The following CNTN6 variants were observed in gnomAD, a reference collection of about 807,000 sequenced individuals.
The protein encoded by CNTN6 is contactin 6, also known as contactin-6.
CNTN6 carries 137 observed loss-of-function variants against 122.8 expected under a neutral mutation model. That is an observed-to-expected ratio of 1.12 (90% CI 0.97 to 1.29). CNTN6 has a LOEUF of 1.29. Among genes scored for constraint, CNTN6 ranks in the 50% most tolerant of loss-of-function variants. The probability of loss-of-function intolerance (pLI) is 0.00; values close to 1 mark genes in which losing one functional copy is unlikely to be tolerated. For missense variants in CNTN6, 1,634 were observed against 1,223.4 expected, an observed-to-expected ratio of 1.34 and a Z score of -5.01; for synonymous variants, 570 against 426.0, an observed-to-expected ratio of 1.34 and a Z score of -4.16.
chr3:1,298,162 A>G lies in CNTN6; in HGVS notation c.761+171A>G, dbSNP rs547988533. 6.1e-5 allele frequency: 34 copies of G among 560,714 alleles called. No individual in the cohort carries two copies. The South Asian group carries it at 7.9e-4, about 13-fold the overall frequency. 34.7% of individuals were successfully genotyped at this position (560,714 alleles called of 1,614,324 possible). A position where few individuals can be genotyped will look rare whatever the true frequency, so the allele number is the denominator to read the frequency against. ...TTAAACAAACATGTCTAATACTGAGACAATGACCAGGCCTGTAACTGAAAA... is the reference window on the plus strand; with the variant it reads ...TTAAACAAACATGTCTAATACTGAGGCAATGACCAGGCCTGTAACTGAAAA... On this transcript the variant is annotated intron_variant, in intron 7 of 22. Coordinates refer to ENST00000446702, the MANE Select transcript of CNTN6 (RefSeq NM_001289080.2).
intron 1 of CNTN6, among the ~76,000 whole-genome samples, chr3:1,099,247 C>T (rs892779114): frequency 4.6e-5 from 7 of 151,884 alleles, no homozygotes; most frequent in Admixed American, 2.0e-4. Context: ...GTCAGGAGAT[C>T]GAGACCATCC....
rs1701479178 is a variant in CNTN6 at position 1,325,931 on chromosome 3, G to A, written c.1063G>A (p.Gly355Ser). 1 of 1,611,018 alleles carries A rather than the reference G, an allele frequency of 6.2e-7. No individual in the cohort carries two copies. The highest frequency in any genetic ancestry group is 1.3e-5 in the African/African-American group (1 of 74,740). The change falls in exon 9 of 23, where the codon GGT becomes AGT. Residue 355 changes from glycine to serine, a missense_variant. Transcript: ENST00000446702. Reference sequence around the variant, plus strand: ...CCCTTGGTATACATGGTTAAAAAATGGTGAACGACTCAACCCAGAGGTAAG... The same window carrying A: ...CCCTTGGTATACATGGTTAAAAAATAGTGAACGACTCAACCCAGAGGTAAG... Reference protein sequence around the residue: ...PNPWYTWLKNGERLNPEERIQ... With the variant: ...PNPWYTWLKNSERLNPEERIQ...
intron 5 of CNTN6, among the ~76,000 whole-genome samples, chr3:1,284,950 C>G (rs1694086086): frequency 6.6e-6 from 1 of 152,156 alleles, no homozygotes. Flanking sequence ...GCCTTACTTT[C>G]AGACATTTTA....
intron 11 of CNTN6, among the ~76,000 whole-genome samples, chr3:1,337,016 C>T (rs1395912166): frequency 6.6e-6 from 1 of 152,174 alleles, no homozygotes; most frequent in Non-Finnish European, 1.5e-5. Flanking sequence ...ACTTATTGAG[C>T]AAGTCACTGG....
At chr3:1,114,658 G>C (rs1430169378) in intron 1 of CNTN6, among the ~76,000 whole-genome samples, 1 of 152,050 alleles carries the variant, frequency 6.6e-6, no homozygotes, top group Non-Finnish European at 1.5e-5. Context: ...AAAGGCAAAA[G>C]ATAATTATTG....
intron 4 of CNTN6, among the ~76,000 whole-genome samples, chr3:1,253,103 A>C (rs1175001975): frequency 6.6e-6 from 1 of 152,178 alleles, no homozygotes. Flanking sequence ...TTTTGCCAGC[A>C]GGCAAAGCCC....
chr3:1,201,858 C>T (rs2093876505), intron 2 of CNTN6, among the ~76,000 whole-genome samples: 1 of 151,648 alleles, frequency 6.6e-6, no homozygotes, highest in Non-Finnish European at 1.5e-5. Flanking sequence ...ATATTGTTAA[C>T]CGAATAACAG....
intron 11 of CNTN6, among the ~76,000 whole-genome samples, chr3:1,330,325 A>T (rs945650214): frequency 1.3e-5 from 2 of 151,910 alleles, no homozygotes; most frequent in Non-Finnish European, 2.9e-5. Flanking sequence ...AAATAGTCAC[A>T]CAGGTGTTCA....
intron 7 of CNTN6, among the ~76,000 whole-genome samples, chr3:1,301,412 A>C (rs758758748): frequency 4.1e-4 from 63 of 152,078 alleles, no homozygotes; most frequent in Non-Finnish European, 7.3e-4. Flanking sequence ...AGTTTAAAAA[A>C]CTCTCAAAAT....
chr3:1,107,842 C>T (rs2091296650), intron 1 of CNTN6, among the ~76,000 whole-genome samples: 1 of 151,990 alleles, frequency 6.6e-6, no homozygotes, highest in Admixed American at 6.6e-5. Context: ...ATTGAGCTTG[C>T]AAAGAGGTTA....
chr3:1,370,117 TCCAATAAGATCCAAAAAAAAGAAAGAAC>T (rs1326311058), intron 12 of CNTN6, among the ~76,000 whole-genome samples: 1 of 151,910 alleles, frequency 6.6e-6, no homozygotes, highest in African/African-American at 2.4e-5. Context: ...TTGATTAGAA[TCCAATAAGATCCAAAAAAAAGAAAGAAC>T]CCAATAAGAT....
rs1423821259 is a variant in CNTN6, at chr3:1,144,909, A to G, written c.-82-3018A>G. Among the ~76,000 whole-genome samples, 3 of 152,134 alleles carry G rather than the reference A, an allele frequency of 2.0e-5. No homozygotes were observed. The East Asian group carries it at 5.8e-4, about 29-fold the overall frequency. On this transcript the variant is annotated intron_variant, in intron 1 of 22. Transcript: ENST00000446702. ...GGGGACTGTTGGAGGTAGCTTGCGA[A>G]TGGAAAATGGCATAGAGATGGCTAG... is the stretch of plus-strand genomic sequence containing the variant.
chr3:1,242,624 G>C (rs990054114), intron 4 of CNTN6, among the ~76,000 whole-genome samples: 1 of 152,104 alleles, frequency 6.6e-6, no homozygotes, highest in African/African-American at 2.4e-5. Context: ...TGCCAGGGAA[G>C]GAGTAGAGAT....
chr3:1,227,307 A>G (rs1441787426), intron 3 of CNTN6, among the ~76,000 whole-genome samples: 1 of 152,240 alleles, frequency 6.6e-6, no homozygotes, highest in Non-Finnish European at 1.5e-5. Context: ...CAAGTAACAT[A>G]CTAACAGAGG....
intron 22 of CNTN6, 143 bp downstream of exon 22, chr3:1,402,629 A>AT: frequency 3.2e-6 from 2 of 630,710 alleles, no homozygotes; most frequent in African/African-American, 1.8e-5. Context: ...GTGATGAGCC[A>AT]TTTTTTTAAG....
chr3:1,360,657 G>C (rs543216778), intron 12 of CNTN6, among the ~76,000 whole-genome samples: 1 of 150,150 alleles, frequency 6.7e-6, no homozygotes. Flanking sequence ...CCTACCCTTT[G>C]TATCTCATCC....
At chr3:1,186,913 C>T (rs2093635748) in intron 2 of CNTN6, among the ~76,000 whole-genome samples, 1 of 151,356 alleles carries the variant, frequency 6.6e-6, no homozygotes, top group Non-Finnish European at 1.5e-5. Context: ...TGCCCAAATA[C>T]AGATAGAAAG....
At chr3:1,136,966 G>C (rs1314642219) in intron 1 of CNTN6, among the ~76,000 whole-genome samples, 1 of 152,208 alleles carries the variant, frequency 6.6e-6, no homozygotes, top group East Asian at 1.9e-4. Context: ...GTAACTCCTG[G>C]CATAGAATCT....
chr3:1,266,653 C>T (rs138053966), intron 4 of CNTN6, among the ~76,000 whole-genome samples: 14 of 152,280 alleles, frequency 9.2e-5, no homozygotes, highest in East Asian at 7.7e-4. Flanking sequence ...TTATTAAGGG[C>T]TCTGTCTATG....
Sources: gnomAD v4.1 joint callset for allele counts (sites outside exome capture counted in the v4.1 genomes callset) on GRCh38, gnomAD v4.1.1 for gene constraint, MANE v1.5 for transcripts, NCBI Gene and HGNC (gene_info 2026-07-23, HGNC 2026-07-21) for gene names.